The following CTNNBL1 variants were observed in gnomAD, a reference collection of about 807,000 sequenced individuals.
CTNNBL1 encodes catenin beta like 1.
CTNNBL1 carries 31 observed loss-of-function variants against 72.7 expected under a neutral mutation model. The ratio of observed to expected loss-of-function variants is 0.43; its 90% CI spans 0.32 to 0.58. The LOEUF (loss-of-function observed/expected upper bound fraction) is 0.58, where lower values mean the gene tolerates loss of function less well. Ranked by LOEUF, CTNNBL1 falls within the 20% of genes least tolerant of loss-of-function variation. The pLI is 0.08. For missense variants in CTNNBL1, 534 were observed against 725.1 expected (o/e 0.74, Z 3.03); for synonymous variants, 240 against 267.3 (o/e 0.90, Z 1.00).
chr20:37,706,203 T>C (rs2072883224), intron 1 of CTNNBL1, among the ~76,000 whole-genome samples: 3 of 152,188 alleles, frequency 2.0e-5, no homozygotes, highest in African/African-American at 4.8e-5. Context: ...TAGGGTGGTG[T>C]TTGCTGAAGG....
rs979062779 is a variant in CTNNBL1 at position 37,860,362 on chromosome 20, C to T, written c.1603+18C>T. ...CATCAAGGGTGAGTTGGATGCTACT[C>T]ATGTCTGGGGCTCCAGAGGATTAGA... On this transcript the variant is annotated intron_variant, in intron 15 of 15. Coordinates refer to ENST00000361383, the MANE Select transcript of CTNNBL1 (RefSeq NM_030877.5). The T allele has an allele frequency of 1.9e-6, 3 of 1,579,874 alleles. No homozygotes were observed. Among genetic ancestry groups the T allele is most frequent in the Admixed American group, 3.3e-5 (2 of 59,976 alleles).
chr20:37,787,342 T>TG (rs1555828044), intron 10 of CTNNBL1, among the ~76,000 whole-genome samples: 210 of 99,270 alleles, frequency 2.1e-3, no homozygotes, highest in Non-Finnish European at 4.1e-3. Flanking sequence ...CATAACTGTG[T>TG]GTTTTTTTTT....
intron 4 of CTNNBL1, among the ~76,000 whole-genome samples, chr20:37,753,730 G>A (rs2073339831): frequency 6.6e-6 from 1 of 152,110 alleles, no homozygotes; most frequent in African/African-American, 2.4e-5. Context: ...AACTTCCTTG[G>A]CCTTTGACAT....
intron 6 of CTNNBL1, among the ~76,000 whole-genome samples, chr20:37,766,473 T>C (rs916624964): frequency 1.3e-5 from 2 of 152,118 alleles, no homozygotes; most frequent in Admixed American, 6.5e-5. Flanking sequence ...GGCAGACAGA[T>C]AGGTGAGTCT....
chr20:37,849,138 T>C (rs1190486061), intron 13 of CTNNBL1, among the ~76,000 whole-genome samples: 3 of 152,200 alleles, frequency 2.0e-5, no homozygotes, highest in Non-Finnish European at 4.4e-5. Context: ...TACCAACACT[T>C]ACATTCAGGC....
intron 10 of CTNNBL1, among the ~76,000 whole-genome samples, chr20:37,782,146 G>T (rs1264398848): frequency 2.0e-5 from 3 of 152,158 alleles, no homozygotes; most frequent in Non-Finnish European, 4.4e-5. Flanking sequence ...TTAAGTGCTA[G>T]GTTTATACAG....
intron 15 of CTNNBL1, among the ~76,000 whole-genome samples, chr20:37,870,314 A>G (rs1177319726): frequency 1.3e-5 from 2 of 151,414 alleles, no homozygotes; most frequent in African/African-American, 4.9e-5. Flanking sequence ...CTTCTAGACT[A>G]TTCTCTCTCC....
At chr20:37,871,380 C>CG (rs1170408111) in intron 15 of CTNNBL1, among the ~76,000 whole-genome samples, 9 of 152,072 alleles carry the variant, frequency 5.9e-5, no homozygotes, top group African/African-American at 9.7e-5. Flanking sequence ...ATTCTGGAGG[C>CG]GGGGGGTCCA....
intron 1 of CTNNBL1, 121 bp from the exon 2 acceptor site, chr20:37,732,757 TC>T: frequency 1.2e-6 from 1 of 817,786 alleles, no homozygotes; most frequent in South Asian, 2.1e-5. Context: ...GGTCTCAAAC[TC>T]CTGGGCTCAA....
intron 13 of CTNNBL1, among the ~76,000 whole-genome samples, chr20:37,855,456 A>G (rs551911166): frequency 2.9e-4 from 44 of 152,266 alleles, no homozygotes; most frequent in Middle Eastern, 6.8e-3. Context: ...AAGCACCTCA[A>G]TTATGTAGAC....
chr20:37,779,281 A>G lies in CTNNBL1; in HGVS notation c.977A>G (p.Asn326Ser), dbSNP rs369990971. Residue 326 changes from asparagine (N) to serine (S), a missense_variant, in exon 10 of 16, where the codon AAT (asparagine) becomes AGT (serine). Asn to Ser is a conservative substitution (Grantham distance 46, BLOSUM62 1). Transcript: ENST00000361383. ...SLCSCLMLSS[N>S]RERFLKGEGL... The stretch of plus-strand genomic sequence containing the variant: ...TGCTCCTGTCTAATGCTTAGTTCCA[A>G]TCGTGAGCGCTTCCTGAAGGGCGAG... 2.5e-6 allele frequency: 4 copies of G among 1,613,808 alleles called. No homozygotes were observed. The highest frequency in any genetic ancestry group is 2.5e-6 in the Non-Finnish European group (3 of 1,179,752).
chr20:37,828,138 T>G (rs555357265), intron 11 of CTNNBL1, among the ~76,000 whole-genome samples: 1 of 152,340 alleles, frequency 6.6e-6, no homozygotes, highest in South Asian at 2.1e-4. Context: ...CATTCAGCAT[T>G]CGTTGAACTC....
At chr20:37,795,692 A>G (rs2073766940) in intron 10 of CTNNBL1, among the ~76,000 whole-genome samples, 1 of 152,128 alleles carries the variant, frequency 6.6e-6, no homozygotes, top group African/African-American at 2.4e-5. Flanking sequence ...TTTAGTTAAC[A>G]TGCTGATGCT....
chr20:37,791,103 A>G (rs2073721533), intron 10 of CTNNBL1, among the ~76,000 whole-genome samples: 1 of 152,076 alleles, frequency 6.6e-6, no homozygotes. Flanking sequence ...TTCCTTTTTC[A>G]CTGCTGAGTA....
intron 1 of CTNNBL1, among the ~76,000 whole-genome samples, chr20:37,724,677 C>T (rs556009163): frequency 7.2e-5 from 11 of 152,094 alleles, no homozygotes; most frequent in African/African-American, 2.7e-4. Context: ...GTCTCTAGAG[C>T]CTCAGAATTA....
intron 1 of CTNNBL1, among the ~76,000 whole-genome samples, chr20:37,698,226 G>A (rs1456182272): frequency 1.3e-5 from 2 of 152,164 alleles, no homozygotes; most frequent in Non-Finnish European, 2.9e-5. Context: ...CAGTAACAGG[G>A]CTGAAACCTC....
chr20:37,787,252 G>A (rs991554347), intron 10 of CTNNBL1, among the ~76,000 whole-genome samples: 2 of 151,424 alleles, frequency 1.3e-5, no homozygotes, highest in Admixed American at 6.6e-5. Flanking sequence ...CTTCCAAGTA[G>A]CTGAGATTAT....
intron 11 of CTNNBL1, among the ~76,000 whole-genome samples, chr20:37,826,056 T>C (rs907448926): frequency 3.9e-5 from 6 of 152,186 alleles, no homozygotes; most frequent in African/African-American, 1.4e-4. Flanking sequence ...CCTTCCCTAA[T>C]ATACAAACAC....
intron 11 of CTNNBL1, among the ~76,000 whole-genome samples, chr20:37,812,772 A>G (rs1333085773): frequency 6.6e-6 from 1 of 152,230 alleles, no homozygotes; most frequent in Non-Finnish European, 1.5e-5. Context: ...GTAAAAATGT[A>G]AGGTGAATGA....
Sources: gnomAD v4.1 joint callset for allele counts (sites outside exome capture counted in the v4.1 genomes callset) on GRCh38, gnomAD v4.1.1 for gene constraint, MANE v1.5 for transcripts, NCBI Gene and HGNC (gene_info 2026-07-23, HGNC 2026-07-21) for gene names.